TMEM222: variants seen among roughly 807,000 people sequenced by gnomAD.
TMEM222 encodes the protein transmembrane protein 222, also known as chromosome 1 open reading frame 160.
Under a neutral mutation model 25.1 loss-of-function variants are expected in TMEM222, and 18 were observed. That is an observed-to-expected ratio of 0.72 (90% confidence interval 0.50 to 1.06). The LOEUF is 1.06. TMEM222 is among the 50% of genes least tolerant of loss of function. The pLI is 0.00. For synonymous variants in TMEM222, 131 were observed against 117.9 expected (o/e 1.11, Z -0.72); for missense variants, 296 against 293.7 (o/e 1.01, Z -0.06).
intron 1 of TMEM222, among the ~76,000 whole-genome samples, chr1:27,330,286 A>G (rs534527260): frequency 1.3e-5 from 2 of 151,382 alleles, no homozygotes; most frequent in South Asian, 4.2e-4. Flanking sequence ...AGTCCCAGCT[A>G]CTCAGGAGGC....
rs147614095 is a variant in TMEM222 at position 27,334,228 on chromosome 1, C to T, written c.486C>T (p.Asn162=). 2.7e-5 allele frequency: 43 copies of T among 1,614,116 alleles called. No individual in the cohort carries two copies. Among genetic ancestry groups the T allele is most frequent in the Non-Finnish European group, 2.9e-5 (34 of 1,180,052 alleles). ...LNLMRYNNST[N]WNMVTLCFFC... ...TGATGCGCTACAACAACAGCACCAA[C>T]TGGAATATGGTGACGCTCTGCTTCT... Residue 162 remains asparagine (N), a synonymous_variant, in exon 5 of 6, where the codon AAC becomes AAT. Transcript: ENST00000374076.
At chr1:27,323,216 A>T (rs995763545) in intron 1 of TMEM222, among the ~76,000 whole-genome samples, 3 of 152,210 alleles carry the variant, frequency 2.0e-5, no homozygotes, top group African/African-American at 7.2e-5. Flanking sequence ...TGTCTTGATC[A>T]GGTTCGCACC....
intron 2 of TMEM222, 129 bp from the exon 3 acceptor site, chr1:27,331,941 G>GGC: frequency 1.1e-6 from 1 of 947,036 alleles, no homozygotes; most frequent in Non-Finnish European, 1.7e-6. Context: ...CAGGGCCCAG[G>GGC]CCCCACTTCT....
intron 1 of TMEM222, among the ~76,000 whole-genome samples, chr1:27,329,176 C>T (rs886134885): frequency 3.3e-5 from 5 of 152,150 alleles, no homozygotes; most frequent in African/African-American, 1.2e-4. Context: ...CCTGAACTCC[C>T]CCACCCATAC....
In TMEM222 at chr1:27,334,640, G is replaced by C. The variant is rs561985142; in HGVS notation, c.539+359G>C. Reference sequence around the variant, plus strand: ...TGTGCTCCGGTAAAGTGAGCAGATAGATCCTCTCATAATGACTGCCCCACA... The same window carrying C: ...TGTGCTCCGGTAAAGTGAGCAGATACATCCTCTCATAATGACTGCCCCACA... On this transcript the variant is annotated intron_variant, in intron 5 of 5. Coordinates refer to ENST00000374076, the MANE Select transcript of TMEM222 (RefSeq NM_032125.3). The C allele has an allele frequency of 2.4e-5, 35 of 1,438,590 alleles. No homozygotes were observed. In the East Asian group the frequency reaches 1.0e-3, roughly 42 times the overall value. The allele number at this position is 1,438,590 out of a possible 1,614,324, so 89.1% of individuals were successfully genotyped here.
chr1:27,331,953 G>GCCCCCCC, intron 2 of TMEM222, 117 bp from the exon 3 acceptor site: 1 of 1,080,650 alleles, frequency 9.3e-7, no homozygotes, highest in African/African-American at 1.5e-5. Context: ...CCCACTTCTG[G>GCCCCCCC]CCCCCCCACC....
At chr1:27,332,200 AAT>A (rs1465135840) in intron 3 of TMEM222, 99 bp downstream of exon 3, 16 of 1,435,178 alleles carry the variant, frequency 1.1e-5, no homozygotes, top group Non-Finnish European at 1.5e-5. Flanking sequence ...GCACCCTGAG[AAT>A]AGAGTATTTG....
At chr1:27,331,072 G>A in intron 2 of TMEM222, 1 of 1,371,986 alleles carries the variant, frequency 7.3e-7, no homozygotes, top group Non-Finnish European at 9.5e-7. Flanking sequence ...CGAGACATGG[G>A]TAGGGATTAG....
At chr1:27,332,029 A>G (rs934509012) in intron 2 of TMEM222, 41 bp from the exon 3 acceptor site, 4 of 1,613,808 alleles carry the variant, frequency 2.5e-6, no homozygotes, top group Non-Finnish European at 2.5e-6. Flanking sequence ...TCTGGCCCAA[A>G]TGTAAGTTCC....
At chr1:27,328,165 C>A (rs1266754354) in intron 1 of TMEM222, among the ~76,000 whole-genome samples, 1 of 152,144 alleles carries the variant, frequency 6.6e-6, no homozygotes, top group Non-Finnish European at 1.5e-5. Flanking sequence ...CAGGCAAGAC[C>A]TCCGAAGGTG....
chr1:27,329,956 G>A (rs1023521193), intron 1 of TMEM222, among the ~76,000 whole-genome samples: 1 of 151,556 alleles, frequency 6.6e-6, no homozygotes, highest in Admixed American at 6.6e-5. Context: ...ACAAAAATTA[G>A]CCAGGCATGG....
In TMEM222 at chr1:27,330,786, G is replaced by A. The variant is rs201775578; in HGVS notation, c.261G>A (p.Ala87=). The change falls in exon 2 of 6, where the codon GCG becomes GCA. Residue 87 remains alanine, a synonymous_variant. Coordinates refer to ENST00000374076, the MANE Select transcript of TMEM222 (RefSeq NM_032125.3). ...CCACAGGAGTCATTCGGGACTTCGC[G>A]GGCCCCTACTTTGTCTCAGTGAGTC... The part of the protein sequence containing the change: ...CTSTGVIRDF[A]GPYFVSEDNM... 107 of 1,614,130 alleles carry A rather than the reference G, an allele frequency of 6.6e-5. No homozygotes were observed. Among genetic ancestry groups the A allele is most frequent in the Non-Finnish European group, 8.3e-5 (98 of 1,180,020 alleles).
rs555657234 is a variant in TMEM222 at position 27,333,402 on chromosome 1, G to A, written c.312-556G>A. On this transcript the variant is annotated intron_variant, in intron 3 of 5. Transcript: ENST00000374076. ...GCCTTCTCACACCCCATCTTAGTCCGTTCTGGCTGCCATAACAAAATCTCA... is the reference window on the plus strand; with the variant it reads ...GCCTTCTCACACCCCATCTTAGTCCATTCTGGCTGCCATAACAAAATCTCA... 5.7e-4 allele frequency: 268 copies of A among 471,080 alleles called. 2 individuals carry two copies. Among genetic ancestry groups the A allele is most frequent in the African/African-American group, 4.6e-3 (233 of 50,176 alleles). 29.2% of individuals were successfully genotyped at this position (471,080 alleles called of 1,614,324 possible).
In TMEM222 at chr1:27,322,298, T is replaced by G; in HGVS notation, c.101T>G (p.Met34Arg). The part of the protein sequence containing the change: ...VEAPTAAETD[M>R]KQYQGSGGVA... ...GCGCCGACGGCGGCCGAGACGGACA[T>G]GAAGCAATATCAAGGCTCCGGCGGC... Residue 34 changes from methionine to arginine, a missense_variant, in exon 1 of 6, where the codon ATG (methionine) becomes AGG (arginine). By Grantham distance (91) the Met-to-Arg change is moderately conservative. Coordinates refer to ENST00000374076, the MANE Select transcript of TMEM222 (RefSeq NM_032125.3). 3 of 1,563,114 alleles carry G rather than the reference T, an allele frequency of 1.9e-6. No homozygotes were observed. The highest frequency in any genetic ancestry group is 2.6e-6 in the Non-Finnish European group (3 of 1,152,344).
At chr1:27,332,021 TG>T in intron 2 of TMEM222, 48 bp from the exon 3 acceptor site, 2 of 1,611,586 alleles carry the variant, frequency 1.2e-6, no homozygotes, top group Non-Finnish European at 1.7e-6. Context: ...GTTTGTCATC[TG>T]GCCCAAATGT....
At chr1:27,335,292 T>G in intron 5 of TMEM222, 87 bp from the exon 6 acceptor site, 2 of 1,337,146 alleles carry the variant, frequency 1.5e-6, no homozygotes, top group Non-Finnish European at 2.2e-6. Flanking sequence ...GGCAGCCCTA[T>G]TGGGGTCTGT....
intron 1 of TMEM222, among the ~76,000 whole-genome samples, chr1:27,323,464 G>T (rs1422901376): frequency 6.6e-6 from 1 of 152,212 alleles, no homozygotes; most frequent in Non-Finnish European, 1.5e-5. Flanking sequence ...GCATATAAGA[G>T]CATCCAAATC....
At chr1:27,331,035 A>T in intron 2 of TMEM222, 1 of 1,435,772 alleles carries the variant, frequency 7.0e-7, no homozygotes, top group Middle Eastern at 1.8e-4. Flanking sequence ...TAACTGACCC[A>T]GCCCTTTGCC....
chr1:27,335,496 G>A lies in TMEM222; in HGVS notation c.*30G>A. The A allele has an allele frequency of 6.2e-7, 1 of 1,609,328 alleles. No individual in the cohort carries two copies. Among genetic ancestry groups the A allele is most frequent in the Non-Finnish European group, 8.5e-7 (1 of 1,175,858 alleles). ...TGCTCGGTGGCCCCACACCCACCAG[G>A]GTCCCGAGGAAACAGCCGCCATCCC... On this transcript the variant is annotated 3_prime_UTR_variant, in exon 6 of 6. Transcript: ENST00000374076.
Sources: allele counts gnomAD v4.1 joint callset (sites outside exome capture counted in the v4.1 genomes callset), GRCh38; gene constraint gnomAD v4.1.1; transcripts MANE v1.5; gene names NCBI Gene and HGNC (gene_info 2026-07-23, HGNC 2026-07-21).